The following NRG3 variants were observed in gnomAD, a reference collection of about 807,000 sequenced individuals.
The protein encoded by NRG3 is neuregulin 3, also known as pro-neuregulin-3, membrane-bound isoform.
A neutral mutation model predicts 66.9 loss-of-function variants in NRG3; 31 were observed. That is an observed-to-expected ratio of 0.46 (90% CI 0.35 to 0.63). NRG3 has a LOEUF of 0.63. Ranked by LOEUF, NRG3 falls within the 20% of genes least tolerant of loss-of-function variation. The probability of loss-of-function intolerance (pLI) is 0.00; values close to 1 mark genes in which losing one functional copy is unlikely to be tolerated. For missense variants in NRG3, 910 were observed against 878.9 expected (o/e 1.04, Z -0.45); for synonymous variants, 393 against 359.4 (o/e 1.09, Z -1.06).
intron 1 of NRG3, among the ~76,000 whole-genome samples, chr10:81,895,046 G>A (rs1843391196): frequency 6.6e-6 from 1 of 152,050 alleles, no homozygotes; most frequent in South Asian, 2.1e-4. Flanking sequence ...CCTGTTTTTT[G>A]GCATCTACTT....
At chr10:81,923,291 C>T (rs1365867661) in intron 1 of NRG3, among the ~76,000 whole-genome samples, 1 of 150,870 alleles carries the variant, frequency 6.6e-6, no homozygotes, top group Non-Finnish European at 1.5e-5. Context: ...CTGCAAGCTC[C>T]GCCTCCCGGG....
At chr10:82,900,295 T>A (rs1039653494) in intron 4 of NRG3, among the ~76,000 whole-genome samples, 2 of 152,200 alleles carry the variant, frequency 1.3e-5, no homozygotes, top group South Asian at 4.1e-4. Flanking sequence ...GGGACACGCA[T>A]CCAATCTGGA....
intron 2 of NRG3, among the ~76,000 whole-genome samples, chr10:82,629,020 C>T (rs2049622116): frequency 6.6e-6 from 1 of 152,124 alleles, no homozygotes; most frequent in Non-Finnish European, 1.5e-5. Context: ...TTCTGAAATT[C>T]ATTTATTCAA....
intron 1 of NRG3, among the ~76,000 whole-genome samples, chr10:82,324,311 C>A (rs1276917594): frequency 6.6e-6 from 1 of 152,006 alleles, no homozygotes; most frequent in Non-Finnish European, 1.5e-5. Context: ...CTACTTTTTT[C>A]CCTACCCTCG....
intron 1 of NRG3, among the ~76,000 whole-genome samples, chr10:82,296,470 G>A (rs1439751044): frequency 6.6e-6 from 1 of 152,090 alleles, no homozygotes; most frequent in Non-Finnish European, 1.5e-5. Flanking sequence ...GAGGAAAGCA[G>A]GTGACACGAG....
chr10:82,910,046 G>A (rs975497484), intron 4 of NRG3, among the ~76,000 whole-genome samples: 1 of 152,194 alleles, frequency 6.6e-6, no homozygotes, highest in Non-Finnish European at 1.5e-5. Context: ...AGTGGATCCA[G>A]TAGTGTCATG....
intron 1 of NRG3, among the ~76,000 whole-genome samples, chr10:82,081,084 C>A (rs1210153483): frequency 1.3e-5 from 2 of 152,076 alleles, no homozygotes; most frequent in African/African-American, 4.8e-5. Context: ...AGTGAGGAAT[C>A]CATTATCAAT....
intron 1 of NRG3, among the ~76,000 whole-genome samples, chr10:82,226,131 G>A (rs1315714767): frequency 6.6e-6 from 1 of 152,090 alleles, no homozygotes; most frequent in Non-Finnish European, 1.5e-5. Context: ...CAAACAACAT[G>A]TTAAGGAAAT....
chr10:82,056,596 A>G (rs962364579), intron 1 of NRG3, among the ~76,000 whole-genome samples: 1 of 151,982 alleles, frequency 6.6e-6, no homozygotes, highest in Non-Finnish European at 1.5e-5. Flanking sequence ...ACACAGAGCC[A>G]GGAACTACAG....
rs539963110 is a variant in NRG3, at chr10:82,498,008, A to G, written c.953+139140A>G. Among the ~76,000 whole-genome samples the G allele has an allele frequency of 6.7e-4, 102 of 151,392 alleles. 1 individual carries two copies. The highest frequency in any genetic ancestry group is 7.0e-3 in the Middle Eastern group (2 of 286). On this transcript the variant is annotated intron_variant, in intron 2 of 8. Coordinates refer to ENST00000372141, the MANE Select transcript of NRG3 (RefSeq NM_001010848.4). The stretch of plus-strand genomic sequence containing the variant: ...CTAGTGATGTTGCACATCTTTTCCT[A>G]TATCTGTTGATCACTTGTATGTATT...
chr10:82,979,231 C>A, intron 8 of NRG3, 111 bp downstream of exon 8: 3 of 1,093,650 alleles, frequency 2.7e-6, no homozygotes, highest in Non-Finnish European at 2.6e-6. Context: ...CATTAACTGG[C>A]TATATATGCT....
intron 3 of NRG3, among the ~76,000 whole-genome samples, chr10:82,773,678 T>C (rs972371547): frequency 3.3e-5 from 5 of 152,126 alleles, no homozygotes; most frequent in Non-Finnish European, 7.4e-5. Context: ...TATTTTATCA[T>C]CATTATTATC....
intron 4 of NRG3, among the ~76,000 whole-genome samples, chr10:82,926,770 A>G (rs1339703315): frequency 6.6e-6 from 1 of 152,216 alleles, no homozygotes; most frequent in Non-Finnish European, 1.5e-5. Flanking sequence ...CCTCTCTCAC[A>G]GAGTCTGTGG....
intron 1 of NRG3, among the ~76,000 whole-genome samples, chr10:82,186,626 A>G (rs1467738008): frequency 6.6e-6 from 1 of 152,170 alleles, no homozygotes; most frequent in African/African-American, 2.4e-5. Context: ...AGGACCTTTA[A>G]ATGCAGATAG....
chr10:82,199,956 G>A (rs2074700482), intron 1 of NRG3, among the ~76,000 whole-genome samples: 1 of 151,608 alleles, frequency 6.6e-6, no homozygotes, highest in Non-Finnish European at 1.5e-5. Flanking sequence ...ATTCGTATCA[G>A]AGCACTTAGG....
chr10:82,308,825 T>C (rs949841012), intron 1 of NRG3, among the ~76,000 whole-genome samples: 5 of 152,158 alleles, frequency 3.3e-5, no homozygotes, highest in African/African-American at 1.2e-4. Flanking sequence ...TACCTTAAGC[T>C]AGAGCCGTGC....
intron 1 of NRG3, among the ~76,000 whole-genome samples, chr10:82,133,874 T>G (rs936156939): frequency 6.6e-6 from 1 of 152,148 alleles, no homozygotes; most frequent in African/African-American, 2.4e-5. Flanking sequence ...AATGTACACT[T>G]CCATCAAGAG....
chr10:82,358,967 A>G, intron 2 of NRG3, 99 bp downstream of exon 2: 1 of 1,512,520 alleles, frequency 6.6e-7, no homozygotes, highest in Non-Finnish European at 9.1e-7. Flanking sequence ...TCCGGGATAC[A>G]CACAGTCCCA....
At chr10:81,917,517 G>A (rs144352950) in intron 1 of NRG3, among the ~76,000 whole-genome samples, 1 of 152,150 alleles carries the variant, frequency 6.6e-6, no homozygotes, top group Admixed American at 6.5e-5. Flanking sequence ...CAAAATAAGA[G>A]AAGTGTTTGT....
Sources: allele counts gnomAD v4.1 joint callset (sites outside exome capture counted in the v4.1 genomes callset), GRCh38; gene constraint gnomAD v4.1.1; transcripts MANE v1.5; gene names NCBI Gene and HGNC (gene_info 2026-07-23, HGNC 2026-07-21).